The following NPAS3 variants were observed in gnomAD, a reference collection of about 807,000 sequenced individuals.
NPAS3 encodes the protein neuronal PAS domain-containing protein 3.
NPAS3 carries 14 observed loss-of-function variants against 73.1 expected under a neutral mutation model. That is an observed-to-expected ratio of 0.19 (90% CI 0.13 to 0.30). The LOEUF (loss-of-function observed/expected upper bound fraction) is 0.30, where lower values mean the gene tolerates loss of function less well. NPAS3 is among the 10% of genes least tolerant of loss of function. NPAS3 has a pLI of 1.00. For synonymous variants in NPAS3, 620 were observed against 541.5 expected (o/e 1.14, Z -2.01); for missense variants, 1,096 against 1,250.0 (o/e 0.88, Z 1.86).
intron 4 of NPAS3, among the ~76,000 whole-genome samples, chr14:33,533,424 C>T (rs572449025): frequency 1.3e-5 from 2 of 152,228 alleles, no homozygotes; most frequent in African/African-American, 4.8e-5. Flanking sequence ...GTGACAGATG[C>T]TTTTGCTTCA....
chr14:33,050,487 C>T (rs1038495434), intron 1 of NPAS3, among the ~76,000 whole-genome samples: 2 of 152,118 alleles, frequency 1.3e-5, no homozygotes, highest in Admixed American at 6.5e-5. Context: ...TGGCTGTCTC[C>T]GAATTCTGCT....
At position 33,369,586 on chromosome 14, in the gene NPAS3, T is replaced by G. The variant is rs535178917; in HGVS notation, c.468+2318T>G. On this transcript the variant is annotated intron_variant, in intron 4 of 11. Coordinates refer to ENST00000356141, the Ensembl canonical transcript of NPAS3. ...TGTAGACTTTCAGGAGAAATATAGA[T>G]GGCTTGGTAAAGATGCTTTCAAGAA... is the stretch of plus-strand genomic sequence containing the variant. Among the ~76,000 whole-genome samples, 9 of 151,104 alleles carry G rather than the reference T, an allele frequency of 6.0e-5. No individual in the cohort carries two copies. In the South Asian group the frequency reaches 1.9e-3, roughly 32 times the overall value.
At chr14:33,572,829 C>T (rs1398250562) in intron 5 of NPAS3, among the ~76,000 whole-genome samples, 5 of 151,996 alleles carry the variant, frequency 3.3e-5, no homozygotes, top group Non-Finnish European at 7.4e-5. Context: ...TCGAGACCAG[C>T]CTGGCCAACA....
chr14:33,261,512 G>C (rs569465979), intron 3 of NPAS3, among the ~76,000 whole-genome samples: 1 of 152,056 alleles, frequency 6.6e-6, no homozygotes, highest in African/African-American at 2.4e-5. Flanking sequence ...AATTATACCA[G>C]TAAAAAATAT....
At chr14:33,075,160 C>T (rs1367808935) in intron 2 of NPAS3, among the ~76,000 whole-genome samples, 3 of 152,158 alleles carry the variant, frequency 2.0e-5, no homozygotes, top group Non-Finnish European at 4.4e-5. Flanking sequence ...TAAGGTCTTA[C>T]AAGTGAGGTT....
intron 4 of NPAS3, among the ~76,000 whole-genome samples, chr14:33,373,421 T>TGTGTGC (rs2046182493): frequency 6.7e-6 from 1 of 148,800 alleles, no homozygotes; most frequent in Non-Finnish European, 1.5e-5. Flanking sequence ...TGTGTGTGTG[T>TGTGTGC]TACTAACTTT....
At chr14:33,478,954 C>T (rs2051177989) in intron 4 of NPAS3, among the ~76,000 whole-genome samples, 3 of 152,136 alleles carry the variant, frequency 2.0e-5, no homozygotes, top group African/African-American at 7.2e-5. Context: ...GACACAATAA[C>T]TTGTTCATTG....
intron 3 of NPAS3, among the ~76,000 whole-genome samples, chr14:33,219,770 G>A (rs757228390): frequency 5.9e-5 from 9 of 152,220 alleles, no homozygotes; most frequent in Middle Eastern, 3.4e-3. Context: ...AGTACAGGTC[G>A]TACTCAGAGT....
At chr14:33,796,870 A>G (rs79019807) in intron 10 of NPAS3, among the ~76,000 whole-genome samples, 2,765 of 152,304 alleles carry the variant, frequency 0.018, 74 homozygotes, top group African/African-American at 0.063. Context: ...CCACAGGTGT[A>G]CACCACACGA....
intron 2 of NPAS3, among the ~76,000 whole-genome samples, chr14:33,126,096 T>C (rs546765085): frequency 4.4e-4 from 67 of 152,282 alleles, no homozygotes; most frequent in African/African-American, 1.5e-3. Context: ...AAGAGCCCCA[T>C]AGCATGCTAG....
At chr14:33,156,306 G>T (rs1818486833) in intron 2 of NPAS3, among the ~76,000 whole-genome samples, 1 of 152,082 alleles carries the variant, frequency 6.6e-6, no homozygotes, top group Non-Finnish European at 1.5e-5. Flanking sequence ...TGTCACAGTG[G>T]CCTTGTTTTT....
rs1411310504 is a variant in NPAS3 at position 33,800,310 on chromosome 14, C to T, written c.2003C>T (p.Pro668Leu). ...AATGACAGCAGCATCTGGAACTACCCGCCCAACCGGGAGATCTCCAGGAAC... is the reference window on the plus strand; with the variant it reads ...AATGACAGCAGCATCTGGAACTACCTGCCCAACCGGGAGATCTCCAGGAAC... The change falls in exon 12 of 12, where the codon CCG (proline) becomes CTG (leucine). Residue 668 changes from proline (P) to leucine (L), a missense_variant. Physicochemically the swap from Pro to Leu is moderately conservative, Grantham distance 98. This residue lies in a region of NPAS3 where 698 missense variants were observed against 676.7 expected (regional missense o/e 1.03). Transcript: ENST00000356141. This position sits in a 1 kb window ranked among gnomAD's most constrained non-coding sequence, Gnocchi z 6.5. The T allele has an allele frequency of 6.2e-7, 1 of 1,613,426 alleles. No homozygotes were observed. The highest frequency in any genetic ancestry group is 1.7e-5 in the Admixed American group (1 of 59,980).
At chr14:33,406,023 A>G (rs547182367) in intron 4 of NPAS3, among the ~76,000 whole-genome samples, 1 of 152,234 alleles carries the variant, frequency 6.6e-6, no homozygotes, top group African/African-American at 2.4e-5. Flanking sequence ...GCCTATTGCA[A>G]TACACTTTTT....
chr14:33,327,205 C>T (rs2043747830), intron 3 of NPAS3, among the ~76,000 whole-genome samples: 1 of 152,180 alleles, frequency 6.6e-6, no homozygotes, highest in South Asian at 2.1e-4. Context: ...CTGTACCTTT[C>T]CTCATTCAAT....
At chr14:33,581,611 C>T (rs1243572295) in intron 5 of NPAS3, among the ~76,000 whole-genome samples, 1 of 152,198 alleles carries the variant, frequency 6.6e-6, no homozygotes, top group African/African-American at 2.4e-5. Context: ...CACTCTGTCG[C>T]CCAGGCTGGA....
At chr14:33,063,085 G>A (rs2041163813) in intron 2 of NPAS3, among the ~76,000 whole-genome samples, 1 of 152,168 alleles carries the variant, frequency 6.6e-6, no homozygotes, top group African/African-American at 2.4e-5. Context: ...TCTGTTACAT[G>A]TGGGACAGTG....
intron 2 of NPAS3, among the ~76,000 whole-genome samples, chr14:33,210,566 T>A (rs886150347): frequency 2.0e-5 from 3 of 152,174 alleles, no homozygotes; most frequent in African/African-American, 7.2e-5. Context: ...AGGTTTGTGA[T>A]CTTTTGAAAG....
intron 2 of NPAS3, among the ~76,000 whole-genome samples, chr14:33,072,521 C>T (rs993118433): frequency 3.3e-5 from 5 of 152,064 alleles, no homozygotes; most frequent in Non-Finnish European, 5.9e-5. Context: ...TAAAGAACAG[C>T]GTGGGCTACT....
chr14:33,679,348 A>G (rs1056551515), intron 6 of NPAS3, among the ~76,000 whole-genome samples: 3 of 152,214 alleles, frequency 2.0e-5, no homozygotes, highest in Non-Finnish European at 4.4e-5. Context: ...CTTAAATGAA[A>G]TATCTTCACT....
Sources: allele counts gnomAD v4.1 joint callset (sites outside exome capture counted in the v4.1 genomes callset), GRCh38; gene constraint gnomAD v4.1.1; regional missense constraint gnomAD v4.1.1; non-coding constraint Gnocchi (gnomAD v3.1); transcripts MANE v1.5; gene names NCBI Gene and HGNC (gene_info 2026-07-23, HGNC 2026-07-21).